Variants in VANGL1 observed in about 807,000 individuals in gnomAD.
The protein encoded by VANGL1 is vang-like protein 1.
In VANGL1, 18 loss-of-function variants were observed where a neutral mutation model predicts 48.4. That is an observed-to-expected ratio of 0.37 (90% confidence interval 0.26 to 0.55). VANGL1 has a LOEUF of 0.55. Ranked by LOEUF, VANGL1 falls within the 20% of genes least tolerant of loss-of-function variation. The pLI, the probability that VANGL1 is intolerant of heterozygous loss-of-function variation, is 0.81. For missense variants in VANGL1, 667 were observed against 675.8 expected, an observed-to-expected ratio of 0.99 and a Z score of 0.14; for synonymous variants, 257 against 261.8, an observed-to-expected ratio of 0.98 and a Z score of 0.18.
intron 4 of VANGL1, 115 bp from the exon 5 acceptor site, chr1:115,682,249 A>G: frequency 7.1e-7 from 1 of 1,415,092 alleles, no homozygotes; most frequent in South Asian, 1.2e-5. Flanking sequence ...GGACTTCTGT[A>G]TGAGATTATC....
intron 7 of VANGL1, among the ~76,000 whole-genome samples, chr1:115,687,515 A>G (rs935018935): frequency 7.2e-6 from 1 of 138,874 alleles, no homozygotes; most frequent in African/African-American, 2.7e-5. Context: ...ATTAAAAATA[A>G]TAGCTGTTTT....
At chr1:115,655,367 A>C (rs1472564590) in intron 2 of VANGL1, among the ~76,000 whole-genome samples, 2 of 152,144 alleles carry the variant, frequency 1.3e-5, no homozygotes, top group Non-Finnish European at 2.9e-5. Flanking sequence ...GGTGACAGCA[A>C]CCCCCAAGGG....
chr1:115,655,224 G>A (rs1652299685), intron 2 of VANGL1, among the ~76,000 whole-genome samples: 1 of 152,222 alleles, frequency 6.6e-6, no homozygotes, highest in Non-Finnish European at 1.5e-5. Context: ...AAAGGGAGGA[G>A]TAACCGGTGG....
At chr1:115,663,521 T>A in intron 3 of VANGL1, 140 bp from the exon 4 acceptor site, 1 of 1,178,084 alleles carries the variant, frequency 8.5e-7, no homozygotes, top group Non-Finnish European at 1.2e-6. Flanking sequence ...GTTCTAATAT[T>A]TAAAGAGTTA....
At chr1:115,670,792 C>T (rs1330472087) in intron 4 of VANGL1, among the ~76,000 whole-genome samples, 1 of 152,154 alleles carries the variant, frequency 6.6e-6, no homozygotes, top group Non-Finnish European at 1.5e-5. Flanking sequence ...TTTTTGTACT[C>T]CTGTAATTAC....
chr1:115,659,753 A>C lies in VANGL1; in HGVS notation c.184A>C (p.Thr62Pro), dbSNP rs1438006759. 3 of 1,614,054 alleles carry C rather than the reference A, an allele frequency of 1.9e-6. No homozygotes were observed. Among genetic ancestry groups the C allele is most frequent in the South Asian group, 1.1e-5 (1 of 91,070 alleles). The change falls in exon 3 of 8, where the codon ACT (threonine) becomes CCT (proline). Residue 62 changes from threonine (T) to proline (P), a missense_variant. Transcript: ENST00000355485. ...TGEPLLGNDS[T>P]RTEEVQDDNW... ...AGAGCCCCTGTTGGGAAATGATTCT[A>C]CTCGGACAGAGGAAGTTCAGGTAAG...
At chr1:115,684,127 A>G (rs1653504462) in intron 6 of VANGL1, 51 bp downstream of exon 6, 19 of 1,396,638 alleles carry the variant, frequency 1.4e-5, no homozygotes, top group Non-Finnish European at 1.8e-5. Context: ...TTAAATTTTT[A>G]TTTTATTTAT....
intron 2 of VANGL1, among the ~76,000 whole-genome samples, chr1:115,654,364 G>A (rs751340718): frequency 9.9e-5 from 15 of 151,816 alleles, no homozygotes; most frequent in Admixed American, 2.6e-4. Flanking sequence ...CTGGTTTTGC[G>A]ATGCCTGCAG....
intron 5 of VANGL1, among the ~76,000 whole-genome samples, chr1:115,683,045 G>A (rs540122916): frequency 1.3e-5 from 2 of 152,220 alleles, no homozygotes; most frequent in African/African-American, 4.8e-5. Context: ...GGGTATGTTG[G>A]GTGAGGGCAA....
intron 2 of VANGL1, among the ~76,000 whole-genome samples, chr1:115,656,285 C>A (rs938184645): frequency 2.0e-5 from 3 of 152,180 alleles, no homozygotes; most frequent in Non-Finnish European, 4.4e-5. Flanking sequence ...CTCATGGCTC[C>A]CATTATCAAG....
intron 7 of VANGL1, 123 bp from the exon 8 acceptor site, chr1:115,690,996 T>C (rs1653807243): frequency 7.4e-7 from 1 of 1,344,712 alleles, no homozygotes. Context: ...TGAGCTGGGC[T>C]CTGGTCTAAG....
intron 1 of VANGL1, among the ~76,000 whole-genome samples, chr1:115,646,016 C>T (rs1651898133): frequency 6.9e-6 from 1 of 144,114 alleles, no homozygotes; most frequent in African/African-American, 2.8e-5. Flanking sequence ...TTATGTTTAC[C>T]ACTGTCATTA....
At chr1:115,663,587 T>A in intron 3 of VANGL1, 74 bp from the exon 4 acceptor site, 1 of 1,608,030 alleles carries the variant, frequency 6.2e-7, no homozygotes, top group Non-Finnish European at 8.5e-7. Flanking sequence ...CAGCGGGCCC[T>A]GCATGTTCAC....
intron 1 of VANGL1, among the ~76,000 whole-genome samples, chr1:115,645,639 A>G (rs1651885001): frequency 6.6e-6 from 1 of 152,240 alleles, no homozygotes; most frequent in Non-Finnish European, 1.5e-5. Context: ...GACTCTAAAC[A>G]AAATTATTTC....
At chr1:115,684,165 A>C in intron 6 of VANGL1, 89 bp downstream of exon 6, 3 of 1,244,212 alleles carry the variant, frequency 2.4e-6, no homozygotes, top group East Asian at 4.4e-5. Context: ...TAGAGACAGA[A>C]TCTCACTCTG....
At position 115,659,778 on chromosome 1, in the gene VANGL1, G is replaced by A; in HGVS notation, c.204+5G>A. The A allele has an allele frequency of 1.2e-6, 2 of 1,614,174 alleles. No homozygotes were observed. Among genetic ancestry groups the A allele is most frequent in the South Asian group, 1.1e-5 (1 of 91,084 alleles). On this transcript the variant is annotated splice_donor_5th_base_variant and intron_variant, in intron 3 of 7. Coordinates refer to ENST00000355485, the MANE Select transcript of VANGL1 (RefSeq NM_138959.3). ...ACTCGGACAGAGGAAGTTCAGGTAAGGATCAAAGGTGGTCTGTAAGCACAC... is the reference window on the plus strand; with the variant it reads ...ACTCGGACAGAGGAAGTTCAGGTAAAGATCAAAGGTGGTCTGTAAGCACAC...
chr1:115,660,719 A>T (rs1179280355), intron 3 of VANGL1, among the ~76,000 whole-genome samples: 1 of 152,224 alleles, frequency 6.6e-6, no homozygotes, highest in Non-Finnish European at 1.5e-5. Context: ...AGATAAGCAT[A>T]CATCTGTACA....
chr1:115,683,865 C>T lies in VANGL1; in HGVS notation c.947-79C>T, dbSNP rs560665568. 144 of 1,569,614 alleles carry T rather than the reference C, an allele frequency of 9.2e-5. No individual in the cohort carries two copies. In the Middle Eastern group the frequency reaches 3.9e-3, roughly 43 times the overall value. ...ATAGGGGGTGGGTAGACAACACTGA[C>T]AGATTGGGTACTAGTTTTCTGCTCT... On this transcript the variant is annotated intron_variant, in intron 5 of 7. Coordinates refer to ENST00000355485, the MANE Select transcript of VANGL1 (RefSeq NM_138959.3).
intron 4 of VANGL1, among the ~76,000 whole-genome samples, chr1:115,675,577 A>G (rs1418421979): frequency 2.6e-5 from 4 of 152,080 alleles, no homozygotes; most frequent in Non-Finnish European, 1.5e-5. Context: ...AGGCAGGTGG[A>G]TCATCTGAGG....
Sources: allele counts gnomAD v4.1 joint callset (sites outside exome capture counted in the v4.1 genomes callset), GRCh38; gene constraint gnomAD v4.1.1; transcripts MANE v1.5; gene names NCBI Gene and HGNC (gene_info 2026-07-23, HGNC 2026-07-21).